FAF1: variants seen among roughly 807,000 people sequenced by gnomAD.
The protein encoded by FAF1 is Fas associated factor 1.
In FAF1, 25 loss-of-function variants were observed where a neutral mutation model predicts 92.5. That is an observed-to-expected ratio of 0.27 (90% CI 0.20 to 0.38). The LOEUF (loss-of-function observed/expected upper bound fraction) is 0.38. Among genes scored for constraint, FAF1 ranks in the 10% least tolerant of loss-of-function variants. The probability of loss-of-function intolerance (pLI) is 1.00; values close to 1 mark genes in which losing one functional copy is unlikely to be tolerated. For synonymous variants in FAF1, 234 were observed against 273.2 expected (o/e 0.86, Z 1.42); for missense variants, 636 against 793.3 (o/e 0.80, Z 2.38).
chr1:50,626,726 T>C, intron 8 of FAF1, among the ~76,000 whole-genome samples: 1 of 152,134 alleles, frequency 6.6e-6, no homozygotes, highest in East Asian at 1.9e-4. Flanking sequence ...AAAAGTGTTA[T>C]TCTGATATAG....
At chr1:50,620,242 G>A (rs1276370517) in intron 8 of FAF1, among the ~76,000 whole-genome samples, 1 of 152,106 alleles carries the variant, frequency 6.6e-6, no homozygotes, top group Non-Finnish European at 1.5e-5. Flanking sequence ...CACATTTCTT[G>A]GAGGTTTTGT....
At chr1:50,953,061 T>C (rs1346796480) in intron 1 of FAF1, among the ~76,000 whole-genome samples, 1 of 152,262 alleles carries the variant, frequency 6.6e-6, no homozygotes, top group Non-Finnish European at 1.5e-5. Flanking sequence ...AAAATTCTTC[T>C]GCCTTGGGAG....
rs906030964 is a variant in FAF1, at chr1:50,725,643, A to T, written c.551+13220T>A. ...GCTAATTTTTGTATTTTTAGTAAAG[A>T]AGGGGTTTCGCCATGTTGTCCAGGC... is the stretch of plus-strand genomic sequence containing the variant. On this transcript the variant is annotated intron_variant, in intron 6 of 18. Coordinates refer to ENST00000396153, the MANE Select transcript of FAF1 (RefSeq NM_007051.3). Among the ~76,000 whole-genome samples the T allele has an allele frequency of 9.2e-5, 14 of 152,140 alleles. No individual in the cohort carries two copies. The East Asian group carries it at 2.7e-3, about 30-fold the overall frequency.
chr1:50,538,338 AG>A (rs1648590017), intron 14 of FAF1, among the ~76,000 whole-genome samples: 1 of 152,094 alleles, frequency 6.6e-6, no homozygotes, highest in Non-Finnish European at 1.5e-5. Flanking sequence ...AACTATTAAA[AG>A]GGTTAAAATT....
At chr1:50,921,620 T>C (rs959590269) in intron 1 of FAF1, among the ~76,000 whole-genome samples, 1 of 151,394 alleles carries the variant, frequency 6.6e-6, no homozygotes, top group African/African-American at 2.4e-5. Flanking sequence ...CAGTTAGGAA[T>C]GGTGGTGCCT....
At position 50,657,311 on chromosome 1, in the gene FAF1, A is replaced by AAG. The variant is rs747091761; in HGVS notation, c.658-1784_658-1783insCT. ...AATCATAATAATGGAGAGATTATCC[A>AAG]TTTTAATTAATTCTTCAAGTTAATT... On this transcript the variant is annotated intron_variant, in intron 7 of 18. Coordinates refer to ENST00000396153, the MANE Select transcript of FAF1 (RefSeq NM_007051.3). Among the ~76,000 whole-genome samples the AAG allele has an allele frequency of 6.6e-3, 1,004 of 152,102 alleles. 4 individuals are homozygous for AAG. The highest frequency in any genetic ancestry group is 0.011 in the Non-Finnish European group (730 of 67,978).
intron 13 of FAF1, among the ~76,000 whole-genome samples, chr1:50,565,058 T>C (rs1200543188): frequency 2.6e-5 from 4 of 152,098 alleles, no homozygotes; most frequent in Non-Finnish European, 4.4e-5. Flanking sequence ...ATTGGTGTCA[T>C]GGGTGTTTGT....
At chr1:50,954,123 T>C (rs924713270) in intron 1 of FAF1, among the ~76,000 whole-genome samples, 12 of 151,800 alleles carry the variant, frequency 7.9e-5, no homozygotes, top group African/African-American at 2.7e-4. Context: ...TAATTTTTTG[T>C]TTTTTAGTAG....
chr1:50,943,872 C>A (rs1441680521), intron 1 of FAF1, among the ~76,000 whole-genome samples: 1 of 152,186 alleles, frequency 6.6e-6, no homozygotes, highest in Non-Finnish European at 1.5e-5. Flanking sequence ...CATGGTACAT[C>A]GGAAAAGAGA....
chr1:50,598,161 G>C (rs1235650092), intron 8 of FAF1, among the ~76,000 whole-genome samples: 1 of 151,984 alleles, frequency 6.6e-6, no homozygotes, highest in African/African-American at 2.4e-5. Flanking sequence ...CTGGGTATGG[G>C]GGTGCACGCC....
chr1:50,678,963 T>C (rs1198109001), intron 7 of FAF1, among the ~76,000 whole-genome samples: 1 of 151,548 alleles, frequency 6.6e-6, no homozygotes, highest in East Asian at 1.9e-4. Context: ...GGCAGGCGCC[T>C]GTAGTCCCAG....
chr1:50,770,366 C>G (rs1481049345), intron 4 of FAF1, among the ~76,000 whole-genome samples: 1 of 152,170 alleles, frequency 6.6e-6, no homozygotes, highest in South Asian at 2.1e-4. Context: ...TCCACAATAT[C>G]TGTCCAAAAG....
intron 6 of FAF1, among the ~76,000 whole-genome samples, chr1:50,725,673 C>T (rs1041037009): frequency 6.6e-6 from 1 of 152,030 alleles, no homozygotes; most frequent in African/African-American, 2.4e-5. Flanking sequence ...CCAGGCTGGT[C>T]TTGAACTCCT....
At position 50,781,451 on chromosome 1, in the gene FAF1, G is replaced by A. The variant is rs1254341764; in HGVS notation, c.367+6549C>T. 5.3e-5 allele frequency among the ~76,000 whole-genome samples: 8 copies of A among 152,216 alleles called. No homozygotes were observed. In the South Asian group the frequency reaches 1.2e-3, roughly 24 times the overall value. ...TAATGATAAAATGGTCAATTCACCA[G>A]GAAGATATCCATAAATATATATGCA... On this transcript the variant is annotated intron_variant, in intron 4 of 18. Transcript: ENST00000396153.
intron 7 of FAF1, among the ~76,000 whole-genome samples, chr1:50,683,848 C>T (rs1431633188): frequency 6.6e-6 from 1 of 151,510 alleles, no homozygotes; most frequent in Non-Finnish European, 1.5e-5. Flanking sequence ...AGGAAAATAG[C>T]TTGAACCTAG....
intron 12 of FAF1, among the ~76,000 whole-genome samples, chr1:50,573,066 G>A (rs557482114): frequency 5.9e-5 from 9 of 151,868 alleles, no homozygotes; most frequent in African/African-American, 1.9e-4. Context: ...AGTAAAAGCA[G>A]GAGAGAGTGA....
intron 2 of FAF1, among the ~76,000 whole-genome samples, chr1:50,807,971 G>A (rs1285401784): frequency 6.6e-6 from 1 of 152,034 alleles, no homozygotes; most frequent in African/African-American, 2.4e-5. Context: ...GATTCTCTAA[G>A]ATCAAAGTGA....
chr1:50,947,369 C>T (rs936520737), intron 1 of FAF1, among the ~76,000 whole-genome samples: 1 of 152,200 alleles, frequency 6.6e-6, no homozygotes, highest in Non-Finnish European at 1.5e-5. Context: ...CTGAAAACTC[C>T]TCCTTCTTCC....
intron 12 of FAF1, among the ~76,000 whole-genome samples, chr1:50,573,730 T>C (rs1198102597): frequency 2.0e-5 from 3 of 151,646 alleles, no homozygotes; most frequent in African/African-American, 4.8e-5. Context: ...TGAGCAGATG[T>C]TGGGATAGCA....
Sources: allele counts gnomAD v4.1 joint callset (sites outside exome capture counted in the v4.1 genomes callset), GRCh38; gene constraint gnomAD v4.1.1; transcripts MANE v1.5; gene names NCBI Gene and HGNC (gene_info 2026-07-23, HGNC 2026-07-21).